Variants in CSNK1G3 observed in about 807,000 individuals in gnomAD.
The protein encoded by CSNK1G3 is casein kinase 1 gamma 3.
A neutral mutation model predicts 64.3 loss-of-function variants in CSNK1G3; 23 were observed. That is an observed-to-expected ratio of 0.36 (90% CI 0.26 to 0.51). The LOEUF is 0.51. CSNK1G3 is among the 20% of genes least tolerant of loss of function. CSNK1G3 has a pLI of 0.96. For synonymous variants in CSNK1G3, 158 were observed against 162.2 expected (o/e 0.97, Z 0.20); for missense variants, 357 against 510.5 (o/e 0.70, Z 2.90).
intron 1 of CSNK1G3, among the ~76,000 whole-genome samples, chr5:123,517,355 T>TA (rs1322863086): frequency 3.3e-5 from 5 of 152,198 alleles, no homozygotes; most frequent in Non-Finnish European, 5.9e-5. Flanking sequence ...AACACACTGT[T>TA]ATGGCACTTG....
intron 3 of CSNK1G3, among the ~76,000 whole-genome samples, chr5:123,556,762 G>A (rs1310884837): frequency 2.0e-5 from 2 of 99,478 alleles, no homozygotes; most frequent in African/African-American, 1.0e-4. Context: ...CTCTGTACAT[G>A]TTTGTGTGTG....
At chr5:123,580,962 C>T (rs145864272) in intron 6 of CSNK1G3, among the ~76,000 whole-genome samples, 1,570 of 151,942 alleles carry the variant, frequency 0.01, 27 homozygotes, top group African/African-American at 0.035. Flanking sequence ...AGAGAAGGAA[C>T]CACAGAATTA....
At chr5:123,562,399 T>C (rs1269553838) in intron 4 of CSNK1G3, among the ~76,000 whole-genome samples, 2 of 152,282 alleles carry the variant, frequency 1.3e-5, no homozygotes, top group East Asian at 3.9e-4. Context: ...TTCATCTTTT[T>C]CTTCTTGGTA....
At chr5:123,589,617 G>T (rs1169958591) in intron 8 of CSNK1G3, among the ~76,000 whole-genome samples, 1 of 152,058 alleles carries the variant, frequency 6.6e-6, no homozygotes, top group Non-Finnish European at 1.5e-5. Flanking sequence ...ATCTCTTACT[G>T]TAGTGATTTT....
At chr5:123,513,069 A>G (rs938345342) in intron 1 of CSNK1G3, among the ~76,000 whole-genome samples, 7 of 152,084 alleles carry the variant, frequency 4.6e-5, no homozygotes, top group Admixed American at 2.0e-4. Context: ...CAGCTCAGGG[A>G]TAAACTTCCC....
intron 10 of CSNK1G3, among the ~76,000 whole-genome samples, chr5:123,597,258 T>G (rs1409243261): frequency 6.6e-6 from 1 of 152,184 alleles, no homozygotes; most frequent in African/African-American, 2.4e-5. Context: ...CTTTCAAGCA[T>G]TGGCTTTACA....
At chr5:123,554,777 C>T (rs1784326005) in intron 3 of CSNK1G3, among the ~76,000 whole-genome samples, 2 of 152,178 alleles carry the variant, frequency 1.3e-5, no homozygotes, top group African/African-American at 2.4e-5. Context: ...GCTATTGATA[C>T]AACAGCCTGT....
chr5:123,603,348 G>A (rs957675790), intron 10 of CSNK1G3, among the ~76,000 whole-genome samples: 1 of 151,928 alleles, frequency 6.6e-6, no homozygotes, highest in African/African-American at 2.4e-5. Flanking sequence ...AGAGAATTTG[G>A]GAGAATTTGG....
intron 1 of CSNK1G3, among the ~76,000 whole-genome samples, chr5:123,531,657 A>G (rs1779960148): frequency 6.6e-6 from 1 of 152,024 alleles, no homozygotes; most frequent in African/African-American, 2.4e-5. Context: ...TTCCTTTTGA[A>G]TGTAGATATT....
At chr5:123,512,878 C>T (rs958127732) in intron 1 of CSNK1G3, among the ~76,000 whole-genome samples, 5 of 151,790 alleles carry the variant, frequency 3.3e-5, no homozygotes, top group Admixed American at 6.6e-5. Flanking sequence ...TGCGGCGCGA[C>T]TGGGGCGGCG....
At chr5:123,542,416 A>T (rs1223077885) in intron 1 of CSNK1G3, among the ~76,000 whole-genome samples, 3 of 152,148 alleles carry the variant, frequency 2.0e-5, no homozygotes, top group African/African-American at 7.2e-5. Flanking sequence ...ATTAATACTC[A>T]TGCATTTCCT....
chr5:123,602,173 A>G (rs139789240), intron 10 of CSNK1G3, among the ~76,000 whole-genome samples: 1 of 152,316 alleles, frequency 6.6e-6, no homozygotes, highest in South Asian at 2.1e-4. Context: ...ATTGCCTTTG[A>G]AGATTATCAA....
chr5:123,601,666 T>C (rs1452574481), intron 10 of CSNK1G3, among the ~76,000 whole-genome samples: 1 of 152,216 alleles, frequency 6.6e-6, no homozygotes, highest in Non-Finnish European at 1.5e-5. Flanking sequence ...ATATGTAATG[T>C]TGCTAGAATT....
intron 1 of CSNK1G3, among the ~76,000 whole-genome samples, chr5:123,522,070 C>T (rs1778207357): frequency 6.6e-6 from 1 of 152,098 alleles, no homozygotes; most frequent in Admixed American, 6.5e-5. Context: ...TTCCAACTGT[C>T]TTTTTAAAAT....
At position 123,590,576 on chromosome 5, in the gene CSNK1G3, T is replaced by A; in HGVS notation, c.990+18T>A. The A allele has an allele frequency of 7.2e-7, 1 of 1,388,350 alleles. No individual in the cohort carries two copies. 86.0% of individuals were successfully genotyped at this position (1,388,350 alleles called of 1,614,324 possible). ...AACAGTTGGTGAGTATTCTATATAATAATATATTACTTACAGTATCTGTTG... is the reference window on the plus strand; with the variant it reads ...AACAGTTGGTGAGTATTCTATATAAAAATATATTACTTACAGTATCTGTTG... On this transcript the variant is annotated intron_variant, in intron 9 of 12. Transcript: ENST00000345990.
intron 1 of CSNK1G3, among the ~76,000 whole-genome samples, chr5:123,538,282 T>C (rs146954470): frequency 0.011 from 1,606 of 152,326 alleles, 30 homozygotes; most frequent in African/African-American, 0.036. Context: ...TACTATTTTT[T>C]ACTCCCACCA....
chr5:123,589,304 TTTAA>T (rs1275459964), intron 8 of CSNK1G3, among the ~76,000 whole-genome samples: 25 of 152,186 alleles, frequency 1.6e-4, no homozygotes, highest in African/African-American at 5.5e-4. Flanking sequence ...GACAGCAAAC[TTTAA>T]TTATATATTT....
At chr5:123,612,486 T>A (rs1419057227) in intron 12 of CSNK1G3, among the ~76,000 whole-genome samples, 3 of 151,930 alleles carry the variant, frequency 2.0e-5, no homozygotes, top group Non-Finnish European at 4.4e-5. Context: ...GCTATTTTTT[T>A]TTTTTTTTTG....
chr5:123,589,877 T>C (rs2150966024), intron 8 of CSNK1G3, among the ~76,000 whole-genome samples: 1 of 152,284 alleles, frequency 6.6e-6, no homozygotes, highest in South Asian at 2.1e-4. Context: ...TTGTTTTAGC[T>C]TTCCTTTGTT....
Sources: allele counts gnomAD v4.1 joint callset (sites outside exome capture counted in the v4.1 genomes callset), GRCh38; gene constraint gnomAD v4.1.1; transcripts MANE v1.5; gene names NCBI Gene and HGNC (gene_info 2026-07-23, HGNC 2026-07-21).